Variants in RARB observed in about 807,000 individuals in gnomAD.
RARB encodes retinoic acid receptor beta, also known as HBV-activated protein.
Under a neutral mutation model 51.9 loss-of-function variants are expected in RARB, and 17 were observed. That is an observed-to-expected ratio of 0.33 (90% CI 0.22 to 0.49). The LOEUF (loss-of-function observed/expected upper bound fraction) is 0.49, where lower values mean the gene tolerates loss of function less well. Ranked by LOEUF, RARB falls within the 20% of genes least tolerant of loss-of-function variation. The pLI is 0.99. For missense variants in RARB, 369 were observed against 550.8 expected (o/e 0.67, Z 3.30); for synonymous variants, 215 against 195.4 (o/e 1.10, Z -0.84).
At chr3:24,914,917 G>A (rs1303043929) in intron 2 of RARB, among the ~76,000 whole-genome samples, 1 of 152,114 alleles carries the variant, frequency 6.6e-6, no homozygotes, top group African/African-American at 2.4e-5. Context: ...TGACCTGTTT[G>A]GATTTGTTGT....
At chr3:25,150,179 T>A (rs1436210015) in intron 4 of RARB, among the ~76,000 whole-genome samples, 2 of 147,802 alleles carry the variant, frequency 1.4e-5, no homozygotes, top group East Asian at 4.1e-4. Context: ...CCAGCCTGGA[T>A]GACAGAGCAA....
chr3:25,153,478 T>C (rs2363595), intron 4 of RARB, among the ~76,000 whole-genome samples: 109,577 of 152,018 alleles, frequency 0.72, 39,991 homozygotes, highest in East Asian at 0.79. Context: ...TCTGCTGTTA[T>C]CAAAGGACAG....
intron 2 of RARB, among the ~76,000 whole-genome samples, chr3:24,879,088 T>C (rs369298332): frequency 6.6e-6 from 1 of 152,302 alleles, no homozygotes; most frequent in East Asian, 1.9e-4. Flanking sequence ...ACTGTAGACT[T>C]AGTTTTCCTG....
At chr3:24,973,842 GTT>G (rs1404515568) in intron 2 of RARB, among the ~76,000 whole-genome samples, 1 of 152,012 alleles carries the variant, frequency 6.6e-6, no homozygotes, top group African/African-American at 2.4e-5. Context: ...AGCTCTAACA[GTT>G]TTTTGGTGGA....
chr3:25,255,737 G>C (rs886361212), intron 5 of RARB, among the ~76,000 whole-genome samples: 1 of 152,000 alleles, frequency 6.6e-6, no homozygotes, highest in African/African-American at 2.4e-5. Flanking sequence ...TAGTCGAGTT[G>C]CTCAAGTCCA....
At chr3:25,531,991 G>T (rs1228444542) in intron 3 of RARB, among the ~76,000 whole-genome samples, 1 of 151,922 alleles carries the variant, frequency 6.6e-6, no homozygotes, top group Non-Finnish European at 1.5e-5. Flanking sequence ...GATAGGTGGG[G>T]GTGGGGAGGG....
At chr3:25,003,689 G>C (rs980580356) in intron 2 of RARB, among the ~76,000 whole-genome samples, 27 of 152,234 alleles carry the variant, frequency 1.8e-4, no homozygotes, top group African/African-American at 5.8e-4. Context: ...AATATGATCT[G>C]TGCAAGATTG....
intron 2 of RARB, among the ~76,000 whole-genome samples, chr3:24,996,396 C>T (rs945788540): frequency 6.6e-6 from 1 of 151,774 alleles, no homozygotes; most frequent in Non-Finnish European, 1.5e-5. Context: ...TTTTGTTTAT[C>T]TTTTCACAAA....
intron 5 of RARB, among the ~76,000 whole-genome samples, chr3:25,219,635 C>T (rs1344969560): frequency 6.6e-6 from 1 of 152,172 alleles, no homozygotes. Context: ...CACCACTCCC[C>T]AAGCCCAAAC....
intron 1 of RARB, among the ~76,000 whole-genome samples, chr3:24,854,081 A>C (rs892370117): frequency 6.6e-6 from 1 of 152,208 alleles, no homozygotes; most frequent in Non-Finnish European, 1.5e-5. Flanking sequence ...GTGTAGTTTC[A>C]TCGTAAATAG....
intron 4 of RARB, among the ~76,000 whole-genome samples, chr3:25,136,696 C>T (rs1575177085): frequency 6.6e-6 from 1 of 151,950 alleles, no homozygotes; most frequent in African/African-American, 2.4e-5. Flanking sequence ...AGTGTGCTAA[C>T]TGGGAGGGAA....
chr3:25,364,324 A>T (rs962423132), intron 5 of RARB, among the ~76,000 whole-genome samples: 1 of 152,052 alleles, frequency 6.6e-6, no homozygotes, highest in African/African-American at 2.4e-5. Context: ...GGTTACTCCA[A>T]AAAAAATGGA....
intron 5 of RARB, among the ~76,000 whole-genome samples, chr3:25,357,445 C>T (rs548994903): frequency 7.3e-4 from 111 of 152,234 alleles, no homozygotes; most frequent in Middle Eastern, 3.4e-3. Flanking sequence ...CAAAACTTTT[C>T]TCCCATTCTG....
At chr3:25,429,037 A>G (rs1003384368) in intron 1 of RARB, 149 bp downstream of exon 1, 7 of 1,076,180 alleles carry the variant, frequency 6.5e-6, no homozygotes, top group Non-Finnish European at 8.9e-6. Flanking sequence ...TGGCATGCAT[A>G]TTGATTCCCT....
intron 5 of RARB, among the ~76,000 whole-genome samples, chr3:25,341,393 T>C (rs1705222775): frequency 1.3e-5 from 2 of 152,290 alleles, no homozygotes; most frequent in Admixed American, 1.3e-4. Context: ...TAGAAAAAGG[T>C]TGTGGAACTC....
At chr3:25,495,905 C>T (rs758297094) in intron 2 of RARB, among the ~76,000 whole-genome samples, 4 of 152,136 alleles carry the variant, frequency 2.6e-5, no homozygotes, top group African/African-American at 4.8e-5. Flanking sequence ...CAACAGAATT[C>T]GTGATTAGCC....
chr3:25,246,473 C>G (rs1429849836), intron 5 of RARB, among the ~76,000 whole-genome samples: 1 of 152,096 alleles, frequency 6.6e-6, no homozygotes, highest in Non-Finnish European at 1.5e-5. Flanking sequence ...TACCTTTGGT[C>G]TTTGCTCTTG....
intron 2 of RARB, among the ~76,000 whole-genome samples, chr3:25,481,591 A>G (rs773104224): frequency 2.0e-5 from 3 of 152,194 alleles, no homozygotes; most frequent in Non-Finnish European, 2.9e-5. Context: ...GAATCAGCCT[A>G]TCAGCTGGTG....
chr3:25,242,988 C>T (rs1469229504), intron 5 of RARB, among the ~76,000 whole-genome samples: 1 of 152,106 alleles, frequency 6.6e-6, no homozygotes, highest in Admixed American at 6.5e-5. Flanking sequence ...TTTTCTTGAG[C>T]AGTGGTTTGT....
Sources: gnomAD v4.1 joint callset for allele counts (sites outside exome capture counted in the v4.1 genomes callset) on GRCh38, gnomAD v4.1.1 for gene constraint, MANE v1.5 for transcripts, NCBI Gene and HGNC (gene_info 2026-07-23, HGNC 2026-07-21) for gene names.